The following RPS6KC1 variants were observed in gnomAD, a reference collection of about 807,000 sequenced individuals.
RPS6KC1 encodes the protein ribosomal protein S6 kinase C1.
In RPS6KC1, 54 loss-of-function variants were observed where a neutral mutation model predicts 103.8. That is an observed-to-expected ratio of 0.52 (90% CI 0.42 to 0.65). RPS6KC1 has a LOEUF of 0.65. RPS6KC1 is among the 30% of genes least tolerant of loss of function. The pLI is 0.00. For missense variants in RPS6KC1, 1,151 were observed against 1,253.8 expected (o/e 0.92, Z 1.24); for synonymous variants, 439 against 438.7 (o/e 1.00, Z -0.01).
At chr1:213,389,256 G>A in the RPS6KC1 span, among the ~76,000 whole-genome samples, 1 of 152,154 alleles carries the variant, frequency 6.6e-6, no homozygotes, top group Non-Finnish European at 1.5e-5. Flanking sequence ...TAAAAAGACA[G>A]GCCAGAGTTG....
intron 8 of RPS6KC1, among the ~76,000 whole-genome samples, chr1:213,190,076 T>G (rs1339373655): frequency 3.3e-5 from 5 of 152,212 alleles, no homozygotes; most frequent in Non-Finnish European, 1.5e-5. Context: ...TTAGATTGCT[T>G]CAAATCTTGG....
At chr1:213,443,484 G>A in the RPS6KC1 span, among the ~76,000 whole-genome samples, 1 of 152,128 alleles carries the variant, frequency 6.6e-6, no homozygotes, top group Admixed American at 6.5e-5. Context: ...GTACATTTTA[G>A]CCAGGGGTCC....
chr1:213,585,301 T>C, the RPS6KC1 span, among the ~76,000 whole-genome samples: 1 of 152,146 alleles, frequency 6.6e-6, no homozygotes, highest in African/African-American at 2.4e-5. Context: ...ACACAGACTT[T>C]CCCTCTGCAG....
the RPS6KC1 span, among the ~76,000 whole-genome samples, chr1:213,842,579 C>T: frequency 1.3e-5 from 2 of 152,196 alleles, no homozygotes; most frequent in Admixed American, 1.3e-4. Context: ...CAAGGCCAAT[C>T]CTCACCAGCG....
At chr1:213,663,285 C>G in the RPS6KC1 span, among the ~76,000 whole-genome samples, 1 of 152,180 alleles carries the variant, frequency 6.6e-6, no homozygotes, top group African/African-American at 2.4e-5. Context: ...CCTCTGTATC[C>G]CCTTTAGCAC....
the RPS6KC1 span, among the ~76,000 whole-genome samples, chr1:213,426,625 C>T: frequency 6.6e-6 from 1 of 152,154 alleles, no homozygotes; most frequent in African/African-American, 2.4e-5. Flanking sequence ...CTGAGCTGTG[C>T]CTGTTGGGAT....
At chr1:213,697,058 C>T in the RPS6KC1 span, among the ~76,000 whole-genome samples, 1 of 152,192 alleles carries the variant, frequency 6.6e-6, no homozygotes, top group Non-Finnish European at 1.5e-5. Context: ...TGCTAAAGCA[C>T]CTCACAGAAC....
chr1:213,285,812 G>A, the RPS6KC1 span, among the ~76,000 whole-genome samples: 1 of 152,120 alleles, frequency 6.6e-6, no homozygotes, highest in Non-Finnish European at 1.5e-5. Flanking sequence ...AATGGGACTA[G>A]TGCTCTAATA....
chr1:213,325,177 A>G, the RPS6KC1 span, among the ~76,000 whole-genome samples: 1 of 152,098 alleles, frequency 6.6e-6, no homozygotes, highest in South Asian at 2.1e-4. Context: ...ATCCCTCTTC[A>G]GCGAGGAGCC....
the RPS6KC1 span, among the ~76,000 whole-genome samples, chr1:213,379,765 A>C: frequency 6.6e-6 from 1 of 152,074 alleles, no homozygotes; most frequent in Non-Finnish European, 1.5e-5. Flanking sequence ...AAATGCCAAA[A>C]CCACAGTGAG....
intron 8 of RPS6KC1, among the ~76,000 whole-genome samples, chr1:213,186,939 A>C (rs957583046): frequency 1.3e-5 from 2 of 152,114 alleles, no homozygotes; most frequent in African/African-American, 4.8e-5. Flanking sequence ...ACAGCGTCTC[A>C]CCATATTGCC....
chr1:213,231,973 G>A, intron 9 of RPS6KC1, 150 bp from the exon 10 acceptor site: 3 of 900,412 alleles, frequency 3.3e-6, no homozygotes, highest in Non-Finnish European at 5.1e-6. Context: ...TCCAGGGACT[G>A]GGGGGCATAG....
At chr1:213,640,314 G>C in the RPS6KC1 span, among the ~76,000 whole-genome samples, 1 of 151,380 alleles carries the variant, frequency 6.6e-6, no homozygotes, top group Non-Finnish European at 1.5e-5. Context: ...AGTCTTCCTA[G>C]ATGCTTATCC....
chr1:213,536,983 T>C, the RPS6KC1 span, among the ~76,000 whole-genome samples: 20 of 152,256 alleles, frequency 1.3e-4, no homozygotes, highest in South Asian at 4.1e-3. Flanking sequence ...CTACAATTCA[T>C]TGGTTGTAGG....
chr1:213,098,391 C>T (rs1486167016), intron 3 of RPS6KC1, among the ~76,000 whole-genome samples: 2 of 151,422 alleles, frequency 1.3e-5, no homozygotes, highest in Non-Finnish European at 2.9e-5. Flanking sequence ...ATCAGCCCGC[C>T]TCAGCCTCTG....
chr1:213,281,957 C>T, the RPS6KC1 span, among the ~76,000 whole-genome samples: 1 of 152,268 alleles, frequency 6.6e-6, no homozygotes, highest in African/African-American at 2.4e-5. Flanking sequence ...CACAGTCTGC[C>T]CTCCCTCCCC....
chr1:213,230,560 A>G lies in RPS6KC1; in HGVS notation c.1092+16A>G, dbSNP rs767648387. 4.4e-6 allele frequency: 7 copies of G among 1,600,914 alleles called. No individual in the cohort carries two copies. Among genetic ancestry groups the G allele is most frequent in the Non-Finnish European group, 5.1e-6 (6 of 1,172,354 alleles). Reference sequence around the variant, plus strand: ...CATTTTAAAAGTAAGTAAAATTTGTAGCCAGGCGCGGTGCCTATAATTCCA... The same window carrying G: ...CATTTTAAAAGTAAGTAAAATTTGTGGCCAGGCGCGGTGCCTATAATTCCA... On this transcript the variant is annotated intron_variant, in intron 9 of 14. Coordinates refer to ENST00000366960, the MANE Select transcript of RPS6KC1 (RefSeq NM_012424.6).
the RPS6KC1 span, among the ~76,000 whole-genome samples, chr1:213,650,975 C>T: frequency 1.1e-4 from 12 of 108,680 alleles, no homozygotes; most frequent in East Asian, 6.8e-4. Flanking sequence ...AGAGAGAAAA[C>T]GTGTTGGGGG....
the RPS6KC1 span, among the ~76,000 whole-genome samples, chr1:213,803,066 A>T: frequency 6.6e-6 from 1 of 152,110 alleles, no homozygotes; most frequent in Non-Finnish European, 1.5e-5. Context: ...CAGGTAATTT[A>T]GATAAGGAAA....
Sources: gnomAD v4.1 joint callset for allele counts (sites outside exome capture counted in the v4.1 genomes callset) on GRCh38, gnomAD v4.1.1 for gene constraint, MANE v1.5 for transcripts, NCBI Gene and HGNC (gene_info 2026-07-23, HGNC 2026-07-21) for gene names.